SLC35F1: variants seen among roughly 807,000 people sequenced by gnomAD.
SLC35F1 encodes solute carrier family 35 member F1, also known as chromosome 6 open reading frame 169.
In SLC35F1, 14 loss-of-function variants were observed where a neutral mutation model predicts 48.7. That is an observed-to-expected ratio of 0.29 (90% CI 0.19 to 0.45). The LOEUF (loss-of-function observed/expected upper bound fraction) is 0.45. Ranked by LOEUF, SLC35F1 falls within the 20% of genes least tolerant of loss-of-function variation. SLC35F1 has a pLI of 1.00. For missense variants in SLC35F1, 404 were observed against 500.0 expected, an observed-to-expected ratio of 0.81 and a Z score of 1.83; for synonymous variants, 190 against 202.2, an observed-to-expected ratio of 0.94 and a Z score of 0.51.
chr6:118,179,819 A>T (rs2114508255), intron 2 of SLC35F1, among the ~76,000 whole-genome samples: 1 of 152,244 alleles, frequency 6.6e-6, no homozygotes, highest in Admixed American at 6.5e-5. Flanking sequence ...CTATAGACAG[A>T]CACTCTCACG....
intron 1 of SLC35F1, among the ~76,000 whole-genome samples, chr6:117,965,618 C>T (rs140491477): frequency 9.2e-5 from 14 of 152,312 alleles, no homozygotes; most frequent in African/African-American, 3.1e-4. Context: ...TCATTATTCC[C>T]ACCCCACAGC....
At chr6:118,129,710 T>C (rs898939022) in intron 1 of SLC35F1, among the ~76,000 whole-genome samples, 3 of 152,218 alleles carry the variant, frequency 2.0e-5, no homozygotes, top group Non-Finnish European at 2.9e-5. Flanking sequence ...ATTAAGGATA[T>C]GAAATGGAAG....
At chr6:118,017,305 T>C (rs903670202) in intron 1 of SLC35F1, among the ~76,000 whole-genome samples, 2 of 152,066 alleles carry the variant, frequency 1.3e-5, no homozygotes, top group Admixed American at 1.3e-4. Flanking sequence ...CATACTGGAC[T>C]GGGTGCTTCT....
chr6:117,972,054 A>T lies in SLC35F1; in HGVS notation c.173+64155A>T, dbSNP rs140731903. ...TCATCATCAGGGTGCAAATTTTCCAAACTTTCATGCTCTGCTTCCTTTTGA... is the reference window on the plus strand; with the variant it reads ...TCATCATCAGGGTGCAAATTTTCCATACTTTCATGCTCTGCTTCCTTTTGA... On this transcript the variant is annotated intron_variant, in intron 1 of 7. Coordinates refer to ENST00000360388, the MANE Select transcript of SLC35F1 (RefSeq NM_001029858.4). 3.1e-3 allele frequency among the ~76,000 whole-genome samples: 468 copies of T among 152,340 alleles called. 1 individual carries two copies. The highest frequency in any genetic ancestry group is 0.011 in the African/African-American group (442 of 41,568).
chr6:118,149,887 T>C (rs968525987), intron 1 of SLC35F1, among the ~76,000 whole-genome samples: 5 of 152,156 alleles, frequency 3.3e-5, no homozygotes, highest in Admixed American at 1.3e-4. Context: ...CCCAAACTTG[T>C]TTTTGTCTTT....
intron 1 of SLC35F1, among the ~76,000 whole-genome samples, chr6:118,085,487 CTTTTTTTTTTTTTTTTTTT>C (rs59548308): frequency 1.8e-5 from 1 of 56,938 alleles, no homozygotes; most frequent in Non-Finnish European, 3.1e-5. Flanking sequence ...TCTTTCTTTC[CTTTTTTTTTTTTTTTTTTT>C]TTTTTTTTTG....
intron 1 of SLC35F1, among the ~76,000 whole-genome samples, chr6:117,917,418 T>A (rs2114797894): frequency 6.6e-6 from 1 of 151,858 alleles, no homozygotes; most frequent in Non-Finnish European, 1.5e-5. Flanking sequence ...AGTACATACC[T>A]ACTAGATGAA....
At chr6:118,242,834 C>T (rs1047896373) in intron 3 of SLC35F1, among the ~76,000 whole-genome samples, 11 of 152,192 alleles carry the variant, frequency 7.2e-5, no homozygotes, top group African/African-American at 1.7e-4. Context: ...AATTCACTCA[C>T]GTTGGGAACA....
chr6:118,076,157 A>T (rs755276374), intron 1 of SLC35F1, among the ~76,000 whole-genome samples: 24 of 152,226 alleles, frequency 1.6e-4, no homozygotes, highest in Non-Finnish European at 3.2e-4. Flanking sequence ...TCTGCTTCAT[A>T]GTATGAGCTT....
intron 4 of SLC35F1, 65 bp downstream of exon 4, chr6:118,267,219 T>C (rs1185200582): frequency 6.4e-7 from 1 of 1,574,144 alleles, no homozygotes; most frequent in East Asian, 2.3e-5. Context: ...AGAAATGGAA[T>C]GTTCATAGTT....
At chr6:118,186,997 C>T (rs1340672495) in intron 2 of SLC35F1, among the ~76,000 whole-genome samples, 2 of 152,218 alleles carry the variant, frequency 1.3e-5, no homozygotes, top group Non-Finnish European at 2.9e-5. Flanking sequence ...TCCAATTACT[C>T]ATGCCCAACT....
At chr6:118,093,185 A>G (rs548765318) in intron 1 of SLC35F1, among the ~76,000 whole-genome samples, 1 of 152,150 alleles carries the variant, frequency 6.6e-6, no homozygotes, top group South Asian at 2.1e-4. Flanking sequence ...GTGTGGTGAC[A>G]TGCACCTGTA....
rs764951033 is a variant in SLC35F1, at chr6:117,907,915, G to C, written c.173+16G>C. The stretch of plus-strand genomic sequence containing the variant: ...TGCTGAACAGGTGAGCGGCGGCGCC[G>C]GGCGAGGGCGCGGGGGGCGGGGGCT... On this transcript the variant is annotated intron_variant, in intron 1 of 7. Coordinates refer to ENST00000360388, the MANE Select transcript of SLC35F1 (RefSeq NM_001029858.4). The C allele has an allele frequency of 1.1e-5, 15 of 1,312,172 alleles. No individual in the cohort carries two copies. Among genetic ancestry groups the C allele is most frequent in the Non-Finnish European group, 1.3e-5 (13 of 1,036,214 alleles). The allele number at this position is 1,312,172 out of a possible 1,614,324, so 81.3% of individuals were successfully genotyped here.
chr6:118,269,845 G>C (rs1442000596), intron 4 of SLC35F1, among the ~76,000 whole-genome samples: 2 of 152,086 alleles, frequency 1.3e-5, no homozygotes, highest in Admixed American at 6.6e-5. Flanking sequence ...AGATCAGCCT[G>C]GGCAACACAG....
intron 1 of SLC35F1, among the ~76,000 whole-genome samples, chr6:118,048,515 T>C: frequency 6.6e-6 from 1 of 152,170 alleles, no homozygotes; most frequent in Non-Finnish European, 1.5e-5. Context: ...TTCAGCAAAG[T>C]CGTAGGATAC....
At chr6:117,908,178 T>C (rs1775718972) in intron 1 of SLC35F1, among the ~76,000 whole-genome samples, 1 of 152,086 alleles carries the variant, frequency 6.6e-6, no homozygotes, top group African/African-American at 2.4e-5. Flanking sequence ...TGTATGTGTG[T>C]CCGCACTCAC....
chr6:117,931,858 C>T (rs1489058820), intron 1 of SLC35F1, among the ~76,000 whole-genome samples: 1 of 152,196 alleles, frequency 6.6e-6, no homozygotes, highest in East Asian at 1.9e-4. Context: ...AGAGTTACCT[C>T]CAGATCAAGG....
chr6:118,075,223 G>A (rs1772800370), intron 1 of SLC35F1, among the ~76,000 whole-genome samples: 1 of 152,162 alleles, frequency 6.6e-6, no homozygotes, highest in Non-Finnish European at 1.5e-5. Flanking sequence ...ATGGGGCTCA[G>A]AACATTTCTC....
intron 1 of SLC35F1, among the ~76,000 whole-genome samples, chr6:118,117,070 C>T (rs532531035): frequency 6.6e-6 from 1 of 152,250 alleles, no homozygotes; most frequent in East Asian, 1.9e-4. Flanking sequence ...GTAACTTGAA[C>T]AAATGACTGT....
Sources: gnomAD v4.1 joint callset for allele counts (sites outside exome capture counted in the v4.1 genomes callset) on GRCh38, gnomAD v4.1.1 for gene constraint, MANE v1.5 for transcripts, NCBI Gene and HGNC (gene_info 2026-07-23, HGNC 2026-07-21) for gene names.